The following ENPP3 variants were observed in gnomAD, a reference collection of about 807,000 sequenced individuals.
ENPP3 encodes the protein ectonucleotide pyrophosphatase/phosphodiesterase family member 3.
A neutral mutation model predicts 117.8 loss-of-function variants in ENPP3; 104 were observed. The observed-to-expected ratio is 0.88, with a 90% CI of 0.75 to 1.04. The LOEUF (loss-of-function observed/expected upper bound fraction) is 1.04, where lower values mean the gene tolerates loss of function less well. Among genes scored for constraint, ENPP3 ranks in the 50% least tolerant of loss-of-function variants. ENPP3 has a pLI of 0.00. For synonymous variants in ENPP3, 380 were observed against 349.9 expected (o/e 1.09, Z -0.96); for missense variants, 1,026 against 1,051.9 (o/e 0.98, Z 0.34).
chr6:131,723,819 T>TCACA (rs1780087072), intron 18 of ENPP3, among the ~76,000 whole-genome samples: 1 of 146,938 alleles, frequency 6.8e-6, no homozygotes, highest in African/African-American at 2.7e-5. Context: ...TCTCTCTCTC[T>TCACA]CTCTCTCTCA....
chr6:131,645,753 C>A (rs3904565), intron 2 of ENPP3, among the ~76,000 whole-genome samples: 1,803 of 152,132 alleles, frequency 0.012, 36 homozygotes, highest in African/African-American at 0.042. Context: ...TCCAGAGTTG[C>A]TTTTAATACA....
rs200203269 is a variant in ENPP3 at position 131,637,441 on chromosome 6, G to A, written c.57G>A (p.Lys19=). 1 of 1,583,186 alleles carries A rather than the reference G, an allele frequency of 6.3e-7. No individual in the cohort carries two copies. Residue 19 remains lysine (K), a synonymous_variant, in exon 1 of 25, where the codon AAG becomes AAA. Coordinates refer to ENST00000357639, the MANE Select transcript of ENPP3 (RefSeq NM_005021.5). ...AACCTGTTAAGAAGAACACTCTTAAGAAATATAAAATAGCTTGCATTGTAA... is the reference window on the plus strand; with the variant it reads ...AACCTGTTAAGAAGAACACTCTTAAAAAATATAAAATAGCTTGCATTGTAA... ...TEQPVKKNTL[K]KYKIACIVLL...
At chr6:131,694,511 T>C (rs1779357593) in intron 15 of ENPP3, among the ~76,000 whole-genome samples, 1 of 152,158 alleles carries the variant, frequency 6.6e-6, no homozygotes, top group South Asian at 2.1e-4. Context: ...TATGTATGAA[T>C]GTAATGCCAG....
intron 11 of ENPP3, among the ~76,000 whole-genome samples, chr6:131,679,816 C>T (rs540959911): frequency 2.0e-5 from 3 of 152,126 alleles, no homozygotes; most frequent in Admixed American, 6.5e-5. Flanking sequence ...AAGTAGACAG[C>T]GTGATCATGG....
chr6:131,682,719 T>A (rs751156554), intron 11 of ENPP3, among the ~76,000 whole-genome samples: 31 of 152,210 alleles, frequency 2.0e-4, no homozygotes, highest in Non-Finnish European at 4.3e-4. Flanking sequence ...GTCTTAGAAG[T>A]ATCTGTCCAC....
chr6:131,716,296 A>G (rs1189963960), intron 15 of ENPP3, among the ~76,000 whole-genome samples: 1 of 152,234 alleles, frequency 6.6e-6, no homozygotes, highest in Non-Finnish European at 1.5e-5. Context: ...AGACATGAAC[A>G]TGAGGAGGTA....
rs745407767 is a variant in ENPP3 at position 131,674,249 on chromosome 6, C to G, written c.730C>G (p.Gln244Glu). Reference sequence around the variant, plus strand: ...GAATTTTTCACTTTCTTCAAAGGAACAAAATAATCCAGCCTGGTGGCATGG... The same window carrying G: ...GAATTTTTCACTTTCTTCAAAGGAAGAAAATAATCCAGCCTGGTGGCATGG... ...NKNFSLSSKE[Q>E]NNPAWWHGQP... Residue 244 changes from glutamine (Q) to glutamate (E), a missense_variant, in exon 8 of 25, where the codon CAA becomes GAA. Gln to Glu is a conservative substitution (Grantham distance 29, BLOSUM62 2). Coordinates refer to ENST00000357639, the MANE Select transcript of ENPP3 (RefSeq NM_005021.5). The G allele has an allele frequency of 1.2e-6, 2 of 1,613,274 alleles. No individual in the cohort carries two copies. The highest frequency in any genetic ancestry group is 2.2e-5 in the South Asian group (2 of 91,064).
chr6:131,649,465 C>A (rs1241795083), intron 2 of ENPP3, among the ~76,000 whole-genome samples: 1 of 152,142 alleles, frequency 6.6e-6, no homozygotes, highest in African/African-American at 2.4e-5. Flanking sequence ...TTGATCCTTT[C>A]CCAAGACTCA....
At chr6:131,679,845 C>T (rs577895990) in intron 11 of ENPP3, among the ~76,000 whole-genome samples, 127 of 152,254 alleles carry the variant, frequency 8.3e-4, no homozygotes, top group Non-Finnish European at 1.2e-3. Flanking sequence ...ATAGTAGCAG[C>T]TCACCCTTAT....
rs1165765831 is a variant in ENPP3, at chr6:131,674,384, T to A, written c.762+103T>A. The A allele has an allele frequency of 6.0e-6, 7 of 1,164,604 alleles. No homozygotes were observed. The African/African-American group carries it at 1.1e-4, about 18-fold the overall frequency. 72.1% of individuals were successfully genotyped at this position (1,164,604 alleles called of 1,614,324 possible). On this transcript the variant is annotated intron_variant, in intron 8 of 24. Coordinates refer to ENST00000357639, the MANE Select transcript of ENPP3 (RefSeq NM_005021.5). ...TGGAGCAAGTTCTATGTCACCCATC[T>A]AGTTTCTAAGGGCTGAGGGTGCAAA...
At position 131,683,064 on chromosome 6, in the gene ENPP3, C is replaced by T; in HGVS notation, c.1022C>T (p.Ala341Val). 6.2e-7 allele frequency: 1 copy of T among 1,600,152 alleles called. No individual in the cohort carries two copies. The highest frequency in any genetic ancestry group is 8.6e-7 in the Non-Finnish European group (1 of 1,167,772). The change falls in exon 12 of 25, where the codon GCC (alanine) becomes GTC (valine). Residue 341 changes from alanine (A) to valine (V), a missense_variant. By Grantham distance (64) the Ala-to-Val change is moderately conservative. Transcript: ENST00000357639. ...CAAATTATTTTTCAGGTAATTAAAG[C>T]CTTACAGGTAGTAGATCATGCTTTT... ...GGPVSARVIK[A>V]LQVVDHAFGM... is the part of the protein sequence containing the mutation.
At chr6:131,655,131 T>C (rs1475192133) in intron 5 of ENPP3, among the ~76,000 whole-genome samples, 1 of 152,196 alleles carries the variant, frequency 6.6e-6, no homozygotes, top group African/African-American at 2.4e-5. Flanking sequence ...TCTAGTGAAA[T>C]TTTTCTATAG....
intron 11 of ENPP3, among the ~76,000 whole-genome samples, chr6:131,681,791 T>C (rs1255101689): frequency 6.6e-6 from 1 of 152,216 alleles, no homozygotes; most frequent in Non-Finnish European, 1.5e-5. Flanking sequence ...AGTTTGGTTT[T>C]CATTTTTATT....
intron 15 of ENPP3, among the ~76,000 whole-genome samples, chr6:131,716,525 T>C (rs1412064510): frequency 6.6e-6 from 1 of 151,590 alleles, no homozygotes; most frequent in African/African-American, 2.4e-5. Context: ...AAAAACTTAG[T>C]CAAAAAACCT....
chr6:131,743,453 A>G (rs1287935808), intron 24 of ENPP3, among the ~76,000 whole-genome samples: 1 of 152,140 alleles, frequency 6.6e-6, no homozygotes, highest in Non-Finnish European at 1.5e-5. Flanking sequence ...TAAACAAAAT[A>G]ATCTATATAA....
At chr6:131,738,416 C>T (rs778924460) in intron 23 of ENPP3, among the ~76,000 whole-genome samples, 11 of 151,324 alleles carry the variant, frequency 7.3e-5, no homozygotes, top group African/African-American at 2.7e-4. Context: ...AATTAATGGG[C>T]AAAGATAACA....
At chr6:131,644,000 A>C (rs930465426) in intron 2 of ENPP3, among the ~76,000 whole-genome samples, 54 of 151,814 alleles carry the variant, frequency 3.6e-4, no homozygotes, top group African/African-American at 1.3e-3. Context: ...GACTGAAGGA[A>C]GTGAGACAGA....
intron 15 of ENPP3, among the ~76,000 whole-genome samples, chr6:131,703,362 T>TA (rs1019943188): frequency 3.0e-5 from 4 of 133,754 alleles, no homozygotes; most frequent in African/African-American, 1.3e-4. Context: ...TTCTTGAACT[T>TA]AAAAAAAGCT....
intron 15 of ENPP3, among the ~76,000 whole-genome samples, chr6:131,695,308 T>C (rs572376836): frequency 6.6e-6 from 1 of 152,324 alleles, no homozygotes; most frequent in East Asian, 1.9e-4. Context: ...GAAAGAGCTG[T>C]AAAGTGAGAG....
Sources: gnomAD v4.1 joint callset for allele counts (sites outside exome capture counted in the v4.1 genomes callset) on GRCh38, gnomAD v4.1.1 for gene constraint, MANE v1.5 for transcripts, NCBI Gene and HGNC (gene_info 2026-07-23, HGNC 2026-07-21) for gene names.